ADARB2: variants seen among roughly 807,000 people sequenced by gnomAD.
ADARB2 encodes adenosine deaminase RNA specific B2 (inactive).
In ADARB2, 25 loss-of-function variants were observed where a neutral mutation model predicts 62.2. That is an observed-to-expected ratio of 0.40 (90% CI 0.29 to 0.56). The LOEUF is 0.56. ADARB2 is among the 20% of genes least tolerant of loss of function. ADARB2 has a pLI of 0.43. For missense variants in ADARB2, 1,071 were observed against 1,077.4 expected (o/e 0.99, Z 0.08); for synonymous variants, 572 against 500.8 (o/e 1.14, Z -1.90).
chr10:1,372,496 C>A (rs1217469380), intron 2 of ADARB2, among the ~76,000 whole-genome samples: 1 of 152,114 alleles, frequency 6.6e-6, no homozygotes, highest in Admixed American at 6.5e-5. Flanking sequence ...TTTGAAATGA[C>A]CTATCAAATG....
chr10:1,304,158 C>T (rs1296261255), intron 3 of ADARB2, among the ~76,000 whole-genome samples: 4 of 151,690 alleles, frequency 2.6e-5, no homozygotes, highest in African/African-American at 9.7e-5. Flanking sequence ...CACATAGGCT[C>T]AAAATAAAGG....
Position 1,178,728 on chromosome 10 carries a change from G to A in ADARB2, c.*4465C>T, listed in dbSNP as rs1035618634. On this transcript the variant is annotated 3_prime_UTR_variant, in exon 10 of 10. Transcript: ENST00000381312. ...CTTCTAAATTTCCACCTCCAACCGCGAGCTCTGCAAAAACTGCAGGCGAGG... is the reference window on the plus strand; with the variant it reads ...CTTCTAAATTTCCACCTCCAACCGCAAGCTCTGCAAAAACTGCAGGCGAGG... 1.3e-5 allele frequency: 2 copies of A among 152,160 alleles called. No homozygotes were observed. The highest frequency in any genetic ancestry group is 2.4e-5 in the African/African-American group (1 of 41,420). The allele number at this position is 152,160 out of a possible 1,614,324, so 9.4% of individuals were successfully genotyped here.
At chr10:1,726,917 A>T (rs993342020) in intron 1 of ADARB2, among the ~76,000 whole-genome samples, 17 of 152,172 alleles carry the variant, frequency 1.1e-4, no homozygotes, top group Admixed American at 5.2e-4. Context: ...CCCATCTTCA[A>T]CAGAGACCAC....
intron 3 of ADARB2, chr10:1,291,172 A>T (rs1831462635): frequency 6.6e-6 from 1 of 152,256 alleles, no homozygotes; most frequent in Non-Finnish European, 1.5e-5. Flanking sequence ...TTAAGTGAGC[A>T]TCTAAGGAAC....
intron 3 of ADARB2, among the ~76,000 whole-genome samples, chr10:1,355,735 G>A (rs1209962592): frequency 6.6e-6 from 1 of 152,162 alleles, no homozygotes; most frequent in East Asian, 1.9e-4. Context: ...CACCTAACAT[G>A]TTTTAGTAGG....
intron 1 of ADARB2, among the ~76,000 whole-genome samples, chr10:1,645,888 T>C (rs1834034708): frequency 6.6e-6 from 1 of 152,252 alleles, no homozygotes; most frequent in African/African-American, 2.4e-5. Flanking sequence ...TATTCATTCA[T>C]AAACTCAATC....
chr10:1,476,407 T>C (rs2813408), intron 1 of ADARB2, among the ~76,000 whole-genome samples: 147,814 of 152,234 alleles, frequency 0.97, 71,906 homozygotes, highest in East Asian at 1. Flanking sequence ...GGGGCTCAGG[T>C]GGTTGCTTTC....
intron 4 of ADARB2, among the ~76,000 whole-genome samples, chr10:1,245,707 T>C (rs1676959308): frequency 6.6e-6 from 1 of 152,246 alleles, no homozygotes; most frequent in African/African-American, 2.4e-5. Flanking sequence ...ATGGTGTATA[T>C]GTGCCACATT....
chr10:1,551,140 G>A (rs1169509174), intron 1 of ADARB2, among the ~76,000 whole-genome samples: 1 of 152,024 alleles, frequency 6.6e-6, no homozygotes, highest in East Asian at 1.9e-4. Flanking sequence ...GAGGAGATGA[G>A]GACACAGACA....
chr10:1,737,253 C>T lies in ADARB2; in HGVS notation c.-103G>A. On this transcript the variant is annotated 5_prime_UTR_variant, in exon 1 of 10. Transcript: ENST00000381312. The stretch of plus-strand genomic sequence containing the variant: ...GCCGCTGCTGCGAAGCTTGAGGTTG[C>T]AAACCCGGGAGCGGCTCACTTTTCA... The T allele has an allele frequency of 8.1e-7, 1 of 1,237,842 alleles. No individual in the cohort carries two copies. Among genetic ancestry groups the T allele is most frequent in the Non-Finnish European group, 1.2e-6 (1 of 863,060 alleles). The allele number at this position is 1,237,842 out of a possible 1,614,324, so 76.7% of individuals were successfully genotyped here. A position where few individuals can be genotyped will look rare whatever the true frequency, so the allele number is the denominator to read the frequency against.
At chr10:1,536,118 G>A (rs980000470) in intron 1 of ADARB2, among the ~76,000 whole-genome samples, 10 of 152,142 alleles carry the variant, frequency 6.6e-5, no homozygotes, top group Admixed American at 1.3e-4. Context: ...ACCCTGTGTC[G>A]TGCCCCTGAT....
chr10:1,337,062 C>CTGTGTGTGTGTGTGTGTGTG (rs145511384), intron 3 of ADARB2, among the ~76,000 whole-genome samples: 41 of 142,044 alleles, frequency 2.9e-4, no homozygotes, highest in African/African-American at 1.1e-3. Context: ...TTAAAGATTT[C>CTGTGTGTGTGTGTGTGTGTG]TGTGTGTGTG....
rs184792595 is a variant in ADARB2, at chr10:1,644,941, G to A, written c.100+92110C>T. On this transcript the variant is annotated intron_variant, in intron 1 of 9. Transcript: ENST00000381312. Reference sequence around the variant, plus strand: ...TTTTCGCAAGCAGTTTTAAGAGTGCGTGTCACGCCTATACAAACACACAAA... The same window carrying A: ...TTTTCGCAAGCAGTTTTAAGAGTGCATGTCACGCCTATACAAACACACAAA... Among the ~76,000 whole-genome samples the A allele has an allele frequency of 9.8e-5, 15 of 152,304 alleles. No individual in the cohort carries two copies. In the East Asian group the frequency reaches 1.4e-3, roughly 14 times the overall value.
At chr10:1,576,582 T>C (rs1833024673) in intron 1 of ADARB2, among the ~76,000 whole-genome samples, 1 of 152,126 alleles carries the variant, frequency 6.6e-6, no homozygotes, top group African/African-American at 2.4e-5. Flanking sequence ...TAGGTCTGTG[T>C]CTCCATCCAG....
At chr10:1,608,884 T>A (rs1833531084) in intron 1 of ADARB2, among the ~76,000 whole-genome samples, 1 of 151,942 alleles carries the variant, frequency 6.6e-6, no homozygotes, top group Admixed American at 6.6e-5. Flanking sequence ...TCCCTCCGCA[T>A]TGCCGGCCCT....
At chr10:1,302,446 G>C (rs924051456) in intron 3 of ADARB2, among the ~76,000 whole-genome samples, 3 of 152,218 alleles carry the variant, frequency 2.0e-5, no homozygotes, top group Non-Finnish European at 4.4e-5. Flanking sequence ...CAGCGAGCCT[G>C]GGGGAGGGGC....
chr10:1,631,302 C>A (rs1833841057), intron 1 of ADARB2, among the ~76,000 whole-genome samples: 3 of 152,152 alleles, frequency 2.0e-5, no homozygotes, highest in Admixed American at 1.3e-4. Flanking sequence ...CACTACCTGG[C>A]ACCGAGACAG....
rs1353044452 is a variant in ADARB2, at chr10:1,593,279, CCCTCCATAGGTCTCCTCTCTG to C, written c.100+143751_100+143771del. Among the ~76,000 whole-genome samples, 19 of 146,700 alleles carry C rather than the reference CCCTCCATAGGTCTCCTCTCTG, an allele frequency of 1.3e-4. 1 individual carries two copies. Among genetic ancestry groups the C allele is most frequent in the African/African-American group, 3.9e-4 (15 of 38,894 alleles). ...CACCCAGCTTCCCTCACCCAAGCCA[CCCTCCATAGGTCTCCTCTCTG>C]GCATGGTCCCCTCTGTCACCCAGCT... On this transcript the variant is annotated intron_variant, in intron 1 of 9. Transcript: ENST00000381312.
chr10:1,531,366 C>T (rs143080101), intron 1 of ADARB2, among the ~76,000 whole-genome samples: 171 of 152,356 alleles, frequency 1.1e-3, no homozygotes, highest in African/African-American at 4.0e-3. Context: ...GGCCAATTCT[C>T]CAAAGATTCA....
Sources: gnomAD v4.1 joint callset for allele counts (sites outside exome capture counted in the v4.1 genomes callset) on GRCh38, gnomAD v4.1.1 for gene constraint, MANE v1.5 for transcripts, NCBI Gene and HGNC (gene_info 2026-07-23, HGNC 2026-07-21) for gene names.